Variants in CDH4 observed in about 807,000 individuals in gnomAD.
CDH4 encodes cadherin 4, also known as cadherin-4.
Under a neutral mutation model 86.0 loss-of-function variants are expected in CDH4, and 33 were observed. The observed-to-expected ratio is 0.38, with a 90% confidence interval of 0.29 to 0.51. CDH4 has a LOEUF of 0.51. Ranked by LOEUF, CDH4 falls within the 20% of genes least tolerant of loss-of-function variation. CDH4 has a pLI of 0.86. For missense variants in CDH4, 1,114 were observed against 1,307.4 expected (o/e 0.85, Z 2.28); for synonymous variants, 555 against 549.4 (o/e 1.01, Z -0.14).
intron 2 of CDH4, among the ~76,000 whole-genome samples, chr20:61,511,767 T>C (rs2085781870): frequency 6.6e-6 from 1 of 152,238 alleles, no homozygotes; most frequent in Non-Finnish European, 1.5e-5. Context: ...CTAATCACTT[T>C]GCCTAAGATT....
At chr20:61,857,876 G>GGT (rs1446084112) in intron 6 of CDH4, among the ~76,000 whole-genome samples, 117 of 152,096 alleles carry the variant, frequency 7.7e-4, no homozygotes, top group African/African-American at 1.9e-3. Flanking sequence ...TGCATTCATT[G>GGT]GTGTGTCTGT....
At chr20:61,851,993 A>G (rs1011906915) in intron 5 of CDH4, among the ~76,000 whole-genome samples, 1 of 152,136 alleles carries the variant, frequency 6.6e-6, no homozygotes, top group Non-Finnish European at 1.5e-5. Context: ...ACAAATCCAG[A>G]ACTTAAGGGG....
chr20:61,851,693 G>A (rs1303187629), intron 5 of CDH4, among the ~76,000 whole-genome samples: 17 of 152,256 alleles, frequency 1.1e-4, no homozygotes, highest in Admixed American at 8.5e-4. Flanking sequence ...TCCACTCCCC[G>A]ACAGCCCCTC....
chr20:61,463,201 T>C (rs2085454151), intron 2 of CDH4, among the ~76,000 whole-genome samples: 1 of 152,106 alleles, frequency 6.6e-6, no homozygotes, highest in Non-Finnish European at 1.5e-5. Context: ...GAACTGTGAG[T>C]CCATTAAACC....
At position 61,619,189 on chromosome 20, in the gene CDH4, G is replaced by A. The variant is rs574530546; in HGVS notation, c.170-124374G>A. ...GCTTTGCTATTGAGGAGCAGATTGGGGCATGTCTGCTGGGTTCGGTCACCC... is the reference window on the plus strand; with the variant it reads ...GCTTTGCTATTGAGGAGCAGATTGGAGCATGTCTGCTGGGTTCGGTCACCC... On this transcript the variant is annotated intron_variant, in intron 2 of 15. Coordinates refer to ENST00000614565, the MANE Select transcript of CDH4 (RefSeq NM_001794.5). Among the ~76,000 whole-genome samples, 59 of 152,272 alleles carry A rather than the reference G, an allele frequency of 3.9e-4. 2 individuals carry two copies. The South Asian group carries it at 0.012, about 31-fold the overall frequency.
intron 2 of CDH4, among the ~76,000 whole-genome samples, chr20:61,416,174 G>A (rs1159785799): frequency 6.6e-6 from 1 of 151,644 alleles, no homozygotes; most frequent in Admixed American, 6.6e-5. Flanking sequence ...GCTAATTTTT[G>A]TATCTTTAGT....
rs143888259 is a variant in CDH4, at chr20:61,898,741, C to G, written c.1188+3694C>G. On this transcript the variant is annotated intron_variant, in intron 8 of 15. Coordinates refer to ENST00000614565, the MANE Select transcript of CDH4 (RefSeq NM_001794.5). Reference sequence around the variant, plus strand: ...GCAGGATTTTATCCCGGCTTTCCACCTAGAATTAATCCCACCTCAAGGTGT... The same window carrying G: ...GCAGGATTTTATCCCGGCTTTCCACGTAGAATTAATCCCACCTCAAGGTGT... Among the ~76,000 whole-genome samples the G allele has an allele frequency of 4.3e-4, 65 of 152,352 alleles. 1 individual carries two copies. The highest frequency in any genetic ancestry group is 1.3e-3 in the African/African-American group (56 of 41,574).
chr20:61,317,129 G>A (rs895069700), intron 2 of CDH4, among the ~76,000 whole-genome samples: 3 of 151,768 alleles, frequency 2.0e-5, no homozygotes, highest in Non-Finnish European at 2.9e-5. Context: ...CTGTGATCCC[G>A]GCACTTTGGG....
intron 6 of CDH4, among the ~76,000 whole-genome samples, chr20:61,857,494 G>T (rs1418821197): frequency 6.6e-6 from 1 of 152,252 alleles, no homozygotes; most frequent in Non-Finnish European, 1.5e-5. Flanking sequence ...TGACGGGAGG[G>T]CCGAGGATTT....
At chr20:61,609,659 A>G (rs1023613025) in intron 2 of CDH4, among the ~76,000 whole-genome samples, 26 of 152,214 alleles carry the variant, frequency 1.7e-4, no homozygotes, top group African/African-American at 5.8e-4. Context: ...AGCCTGAACC[A>G]GGCAGCAGGT....
At chr20:61,925,098 C>A (rs559453501) in intron 11 of CDH4, among the ~76,000 whole-genome samples, 2 of 152,114 alleles carry the variant, frequency 1.3e-5, no homozygotes, top group Admixed American at 1.3e-4. Flanking sequence ...GGCAAGGTCC[C>A]GGGGCAGGCG....
intron 7 of CDH4, among the ~76,000 whole-genome samples, chr20:61,874,172 C>T (rs185922816): frequency 7.2e-5 from 11 of 152,190 alleles, no homozygotes; most frequent in East Asian, 5.8e-4. Flanking sequence ...AGGGACCACC[C>T]GCTGGGGTCT....
chr20:61,614,452 A>T (rs2086709771), intron 2 of CDH4, among the ~76,000 whole-genome samples: 1 of 152,054 alleles, frequency 6.6e-6, no homozygotes, highest in Non-Finnish European at 1.5e-5. Context: ...TCTGGGAGCC[A>T]TTCTAGCAAC....
chr20:61,415,462 A>G (rs537143631), intron 2 of CDH4, among the ~76,000 whole-genome samples: 7 of 152,276 alleles, frequency 4.6e-5, no homozygotes, highest in African/African-American at 1.4e-4. Flanking sequence ...AACCATGGCC[A>G]CTGTCCATCT....
chr20:61,356,500 A>T (rs1453667634), intron 2 of CDH4, among the ~76,000 whole-genome samples: 1 of 152,300 alleles, frequency 6.6e-6, no homozygotes, highest in South Asian at 2.1e-4. Context: ...TCTCCTCACC[A>T]TTAATTGTCT....
rs564254536 is a variant in CDH4, at chr20:61,828,586, G to T, written c.577-16082G>T. ...TTCGGAATCGACTTCTTGCTCAGAG[G>T]TCCTGAGGGGAGGGTCCTGAGGAAA... On this transcript the variant is annotated intron_variant, in intron 4 of 15. Transcript: ENST00000614565. Among the ~76,000 whole-genome samples the T allele has an allele frequency of 3.3e-5, 5 of 152,312 alleles. No individual in the cohort carries two copies. The East Asian group carries it at 7.7e-4, about 24-fold the overall frequency.
chr20:61,904,875 C>T (rs1021027635), intron 8 of CDH4, among the ~76,000 whole-genome samples: 1 of 152,234 alleles, frequency 6.6e-6, no homozygotes, highest in Non-Finnish European at 1.5e-5. Flanking sequence ...CCCTGACCGC[C>T]CACTGACATC....
intron 10 of CDH4, among the ~76,000 whole-genome samples, chr20:61,924,037 G>A (rs1024027881): frequency 4.6e-5 from 7 of 152,192 alleles, no homozygotes; most frequent in East Asian, 1.9e-4. Context: ...TTGTCCGTTC[G>A]ATGGGGACAA....
intron 4 of CDH4, among the ~76,000 whole-genome samples, chr20:61,825,181 G>A (rs1981251944): frequency 6.6e-6 from 1 of 152,120 alleles, no homozygotes; most frequent in Non-Finnish European, 1.5e-5. Context: ...GCCAAGGTGG[G>A]TGGATCAGTT....
Sources: gnomAD v4.1 joint callset for allele counts (sites outside exome capture counted in the v4.1 genomes callset) on GRCh38, gnomAD v4.1.1 for gene constraint, MANE v1.5 for transcripts, NCBI Gene and HGNC (gene_info 2026-07-23, HGNC 2026-07-21) for gene names.